Variants in HMOX2 observed in about 807,000 individuals in gnomAD.
HMOX2 encodes the protein heme oxygenase (decycling) 2.
In HMOX2, 30 loss-of-function variants were observed where a neutral mutation model predicts 33.7. The observed-to-expected ratio is 0.89, with a 90% CI of 0.67 to 1.21. The LOEUF (loss-of-function observed/expected upper bound fraction) is 1.21, where lower values mean the gene tolerates loss of function less well. Among genes scored for constraint, HMOX2 ranks in the 50% most tolerant of loss-of-function variants. HMOX2 has a pLI of 0.00. For synonymous variants in HMOX2, 155 were observed against 155.0 expected, an observed-to-expected ratio of 1.00 and a Z score of 0.00; for missense variants, 403 against 399.1, an observed-to-expected ratio of 1.01 and a Z score of -0.08.
At chr16:4,497,897 C>G (rs968746622) in intron 1 of HMOX2, among the ~76,000 whole-genome samples, 1 of 152,052 alleles carries the variant, frequency 6.6e-6, no homozygotes, top group Non-Finnish European at 1.5e-5. Context: ...CACAACCGGT[C>G]TCTTGTCAGT....
intron 4 of HMOX2, among the ~76,000 whole-genome samples, 186 bp downstream of exon 4, chr16:4,508,390 G>A (rs1179138863): frequency 6.6e-6 from 1 of 152,182 alleles, no homozygotes; most frequent in African/African-American, 2.4e-5. Flanking sequence ...CCAGCATGGA[G>A]GCCTGGTGTG....
rs1338542749 is a variant in HMOX2, at chr16:4,484,471, TTTTTTTTGA to T, written c.-42+7985_-42+7993del. The stretch of plus-strand genomic sequence containing the variant: ...GTTTCTTTTCTTTTCTTTTTTTTTT[TTTTTTTTGA>T]GACGGAGTCTTGCACTGTCACCCAG... On this transcript the variant is annotated intron_variant, in intron 1 of 5. Coordinates refer to ENST00000570646, the MANE Select transcript of HMOX2 (RefSeq NM_002134.4). Among the ~76,000 whole-genome samples the T allele has an allele frequency of 4.6e-4, 68 of 148,940 alleles. 1 individual carries two copies. The highest frequency in any genetic ancestry group is 9.3e-4 in the Admixed American group (14 of 14,984).
chr16:4,509,330 A>T, intron 4 of HMOX2, 82 bp from the exon 5 acceptor site: 24,701 of 1,091,994 alleles, frequency 0.023, no homozygotes, highest in Non-Finnish European at 0.03. Context: ...GGCAACAGAG[A>T]CCTCATCTCA....
upstream of HMOX2, among the ~76,000 whole-genome samples, chr16:4,475,338 T>G (rs1218921034): frequency 1.3e-5 from 2 of 151,870 alleles, no homozygotes; most frequent in Non-Finnish European, 2.9e-5. Flanking sequence ...GGAGTCTTGC[T>G]CTGTGGCCCA....
intron 1 of HMOX2, among the ~76,000 whole-genome samples, chr16:4,483,463 A>G (rs909246771): frequency 3.3e-5 from 5 of 152,094 alleles, no homozygotes; most frequent in Non-Finnish European, 1.5e-5. Flanking sequence ...GATTTAGGAA[A>G]TTACAAAAGT....
At chr16:4,478,250 G>T (rs1403807333) in intron 1 of HMOX2, among the ~76,000 whole-genome samples, 1 of 152,220 alleles carries the variant, frequency 6.6e-6, no homozygotes, top group Non-Finnish European at 1.5e-5. Flanking sequence ...GCCAGTGCCA[G>T]TGAGTTACAG....
intron 4 of HMOX2, 114 bp from the exon 5 acceptor site, chr16:4,509,298 C>T (rs554496525): frequency 2.1e-5 from 28 of 1,359,452 alleles, no homozygotes; most frequent in Non-Finnish European, 2.4e-5. Flanking sequence ...TAGCCATGTT[C>T]ATAACACTGC....
chr16:4,494,327 A>G (rs1459618757), intron 1 of HMOX2, among the ~76,000 whole-genome samples: 1 of 151,930 alleles, frequency 6.6e-6, no homozygotes, highest in Non-Finnish European at 1.5e-5. Flanking sequence ...AAAAAAAAAA[A>G]AAAGAAAACA....
chr16:4,478,909 C>A (rs1393991950), intron 1 of HMOX2, among the ~76,000 whole-genome samples: 2 of 152,164 alleles, frequency 1.3e-5, no homozygotes, highest in Admixed American at 1.3e-4. Flanking sequence ...AATCCCAGCA[C>A]TTTGGGAGAC....
chr16:4,505,597 G>A lies in HMOX2; in HGVS notation c.73G>A (p.Glu25Lys). Residue 25 changes from glutamate to lysine, a missense_variant, in exon 2 of 6, where the codon GAG (glutamate) becomes AAG (lysine). Physicochemically the swap from Glu to Lys is moderately conservative, Grantham distance 56 (BLOSUM62 1). Coordinates refer to ENST00000570646, the MANE Select transcript of HMOX2 (RefSeq NM_002134.4). ...AAAGAACTCTGGGGCCCTAGAAAAGGAGAACCAAATGAGGTGAGCGATGGG... is the reference window on the plus strand; with the variant it reads ...AAAGAACTCTGGGGCCCTAGAAAAGAAGAACCAAATGAGGTGAGCGATGGG... Reference protein sequence around the residue: ...EKKNSGALEKENQMRMADLSE... With the variant: ...EKKNSGALEKKNQMRMADLSE... 1 of 1,597,250 alleles carries A rather than the reference G, an allele frequency of 6.3e-7. No individual in the cohort carries two copies. The highest frequency in any genetic ancestry group is 8.5e-7 in the Non-Finnish European group (1 of 1,170,972).
intron 1 of HMOX2, chr16:4,496,811 G>T (rs1439944691): frequency 6.6e-6 from 1 of 152,066 alleles, no homozygotes; most frequent in Non-Finnish European, 1.5e-5. Context: ...GAACTTGAGG[G>T]CCTTCTGCCA....
At chr16:4,489,205 C>G (rs1375791679) in intron 1 of HMOX2, among the ~76,000 whole-genome samples, 1 of 152,128 alleles carries the variant, frequency 6.6e-6, no homozygotes, top group Non-Finnish European at 1.5e-5. Context: ...CAGCATTTTC[C>G]CTTCACACAT....
chr16:4,500,589 T>G (rs2058535366), intron 1 of HMOX2, among the ~76,000 whole-genome samples: 1 of 152,240 alleles, frequency 6.6e-6, no homozygotes, highest in South Asian at 2.1e-4. Context: ...GAAGTCTTTA[T>G]TGTTCCTTTC....
intron 1 of HMOX2, among the ~76,000 whole-genome samples, chr16:4,499,967 CTA>C (rs1395173230): frequency 1.3e-5 from 2 of 152,182 alleles, no homozygotes; most frequent in Admixed American, 6.5e-5. Flanking sequence ...CACAAATCCT[CTA>C]TTTAACTGGC....
At chr16:4,489,401 C>T (rs548313585) in intron 1 of HMOX2, among the ~76,000 whole-genome samples, 2 of 152,166 alleles carry the variant, frequency 1.3e-5, no homozygotes, top group African/African-American at 4.8e-5. Context: ...TGATCCGCCT[C>T]AGCCTCGCGA....
Position 4,510,108 on chromosome 16 carries a change from G to A in HMOX2, c.*352G>A. On this transcript the variant is annotated 3_prime_UTR_variant, in exon 6 of 6. Coordinates refer to ENST00000570646, the MANE Select transcript of HMOX2 (RefSeq NM_002134.4). ...CTATCTCCCCTGTTGGAGGTGAGTG[G>A]CCTGTAAGTCCAAGCTGTGCGAGGG... The A allele has an allele frequency of 3.7e-6, 1 of 273,518 alleles. No homozygotes were observed. 16.9% of individuals were successfully genotyped at this position (273,518 alleles called of 1,614,324 possible).
At chr16:4,483,969 A>AC (rs1436674968) in intron 1 of HMOX2, among the ~76,000 whole-genome samples, 2 of 111,304 alleles carry the variant, frequency 1.8e-5, no homozygotes, top group Admixed American at 9.7e-5. Context: ...GCATATGCCC[A>AC]AAAATTTTTT....
intron 1 of HMOX2, among the ~76,000 whole-genome samples, chr16:4,483,124 C>G (rs910979836): frequency 6.6e-6 from 1 of 150,518 alleles, no homozygotes; most frequent in Non-Finnish European, 1.5e-5. Context: ...CTGGAACTTT[C>G]GTGTATTCAG....
intron 1 of HMOX2, among the ~76,000 whole-genome samples, chr16:4,504,111 G>C (rs1332137352): frequency 2.0e-5 from 3 of 152,214 alleles, no homozygotes; most frequent in Non-Finnish European, 4.4e-5. Flanking sequence ...ATTTGCAGCA[G>C]GCAATGGGAA....
Sources: allele counts gnomAD v4.1 joint callset (sites outside exome capture counted in the v4.1 genomes callset), GRCh38; gene constraint gnomAD v4.1.1; transcripts MANE v1.5; gene names NCBI Gene and HGNC (gene_info 2026-07-23, HGNC 2026-07-21).